Variants in LAMA2 observed in about 807,000 individuals in gnomAD.
LAMA2 encodes the protein laminin subunit alpha 2.
A neutral mutation model predicts 364.8 loss-of-function variants in LAMA2; 269 were observed. The observed-to-expected ratio is 0.74, with a 90% CI of 0.67 to 0.82. The LOEUF is 0.82. Ranked by LOEUF, LAMA2 falls within the 40% of genes least tolerant of loss-of-function variation. The probability of loss-of-function intolerance (pLI) is 0.00; values close to 1 mark genes in which losing one functional copy is unlikely to be tolerated. For missense variants in LAMA2, 3,807 were observed against 3,873.2 expected (o/e 0.98, Z 0.45); for synonymous variants, 1,379 against 1,370.6 (o/e 1.01, Z -0.14).
At chr6:129,204,068 TA>T (rs1196416105) in intron 12 of LAMA2, among the ~76,000 whole-genome samples, 1 of 152,210 alleles carries the variant, frequency 6.6e-6, no homozygotes, top group Non-Finnish European at 1.5e-5. Context: ...CTGGTGGTAG[TA>T]AGGATAAGAC....
intron 1 of LAMA2, among the ~76,000 whole-genome samples, chr6:129,036,212 T>C (rs1786631147): frequency 6.6e-6 from 1 of 152,190 alleles, no homozygotes; most frequent in Admixed American, 6.5e-5. Flanking sequence ...ATCTTTTACC[T>C]CCTTGGTTAA....
intron 40 of LAMA2, among the ~76,000 whole-genome samples, chr6:129,425,567 G>T (rs1445369026): frequency 6.6e-5 from 10 of 151,734 alleles, no homozygotes; most frequent in Non-Finnish European, 1.5e-4. Flanking sequence ...ATTTTTCTCT[G>T]TTTCTCTCCC....
intron 4 of LAMA2, among the ~76,000 whole-genome samples, chr6:129,122,711 C>T (rs1343648537): frequency 6.6e-6 from 1 of 152,012 alleles, no homozygotes; most frequent in Non-Finnish European, 1.5e-5. Flanking sequence ...TACTCCGGTT[C>T]CCCCACATAG....
At chr6:129,250,844 A>G (rs1786130643) in intron 13 of LAMA2, among the ~76,000 whole-genome samples, 1 of 152,026 alleles carries the variant, frequency 6.6e-6, no homozygotes, top group African/African-American at 2.4e-5. Flanking sequence ...ACATACATGC[A>G]TGTTCATTAT....
chr6:128,883,379 G>A, intron 1 of LAMA2, 22 bp downstream of exon 1: 1 of 1,571,720 alleles, frequency 6.4e-7, no homozygotes, highest in Non-Finnish European at 8.6e-7. Flanking sequence ...GCATGGGCTT[G>A]GGTTGCATCC....
At chr6:129,109,779 TTTTTC>T (rs1562246637) in intron 4 of LAMA2, among the ~76,000 whole-genome samples, 1 of 152,096 alleles carries the variant, frequency 6.6e-6, no homozygotes, top group African/African-American at 2.4e-5. Flanking sequence ...AAAAATTATG[TTTTTC>T]TTTTATTTGG....
chr6:129,508,503 C>T (rs1415300252), intron 62 of LAMA2, among the ~76,000 whole-genome samples: 3 of 151,914 alleles, frequency 2.0e-5, no homozygotes, highest in Non-Finnish European at 4.4e-5. Context: ...ACCATCCCTA[C>T]TCCTCCCTGC....
intron 4 of LAMA2, among the ~76,000 whole-genome samples, chr6:129,107,893 C>G (rs138027756): frequency 4.9e-4 from 75 of 152,274 alleles, no homozygotes; most frequent in African/African-American, 1.7e-3. Context: ...AAAATCTGCT[C>G]TGCCCTATAA....
intron 1 of LAMA2, among the ~76,000 whole-genome samples, chr6:128,963,710 T>C (rs1781676166): frequency 6.6e-6 from 1 of 152,124 alleles, no homozygotes; most frequent in Admixed American, 6.6e-5. Context: ...GCCTTTCATG[T>C]ATGCTTTTCC....
chr6:129,479,664 T>A (rs1784256126), intron 54 of LAMA2: 1 of 152,248 alleles, frequency 6.6e-6, no homozygotes, highest in Non-Finnish European at 1.5e-5. Context: ...TTATTCATTT[T>A]GTCTGCTGCT....
chr6:129,126,361 C>T (rs1241965476), intron 4 of LAMA2, among the ~76,000 whole-genome samples: 5 of 152,186 alleles, frequency 3.3e-5, no homozygotes, highest in Admixed American at 6.5e-5. Context: ...TAGTAATAAA[C>T]GTTGATGACT....
At chr6:129,398,532 A>G (rs1779789893) in intron 37 of LAMA2, among the ~76,000 whole-genome samples, 1 of 144,386 alleles carries the variant, frequency 6.9e-6, no homozygotes, top group Admixed American at 7.1e-5. Flanking sequence ...CTGGATTGCA[A>G]TGGTGCAATC....
chr6:129,444,474 A>G (rs1384281236), intron 44 of LAMA2, among the ~76,000 whole-genome samples: 1 of 152,198 alleles, frequency 6.6e-6, no homozygotes, highest in Non-Finnish European at 1.5e-5. Flanking sequence ...ATGATGATAT[A>G]ACAAACATTT....
chr6:129,004,146 C>T (rs1784275005), intron 1 of LAMA2, among the ~76,000 whole-genome samples: 1 of 19,928 alleles, frequency 5.0e-5, no homozygotes, highest in Admixed American at 4.7e-4. Context: ...AGTAAACTAT[C>T]GCAAGAACAA....
chr6:128,909,892 A>T (rs1428564347), intron 1 of LAMA2, among the ~76,000 whole-genome samples: 3 of 151,472 alleles, frequency 2.0e-5, no homozygotes, highest in Non-Finnish European at 4.4e-5. Flanking sequence ...TCCTTCGCTT[A>T]TGAAGCTTAG....
At position 129,480,947 on chromosome 6, in the gene LAMA2, C is replaced by G. The variant is rs78613243; in HGVS notation, c.7573-316C>G. Among the ~76,000 whole-genome samples the G allele has an allele frequency of 9.1e-3, 1,315 of 143,882 alleles. 13 individuals carry two copies. The highest frequency in any genetic ancestry group is 0.034 in the African/African-American group (1,246 of 36,688). 94.4% of individuals were successfully genotyped at this position (143,882 alleles called of 152,430 possible). A position where few individuals can be genotyped will look rare whatever the true frequency, so the allele number is the denominator to read the frequency against. ...GCTTGTGTGTCAGTTTGACTTAAAT[C>G]TTTGGTTTAAACAACAACAACAAAA... On this transcript the variant is annotated intron_variant, in intron 54 of 64. Transcript: ENST00000421865.
intron 17 of LAMA2, among the ~76,000 whole-genome samples, chr6:129,277,438 G>A (rs893313459): frequency 6.6e-6 from 1 of 152,130 alleles, no homozygotes; most frequent in African/African-American, 2.4e-5. Context: ...ATAAGAGAGT[G>A]AATCTTCAGT....
chr6:129,228,950 T>A (rs1238535177), intron 12 of LAMA2, among the ~76,000 whole-genome samples: 2 of 152,236 alleles, frequency 1.3e-5, no homozygotes, highest in African/African-American at 2.4e-5. Flanking sequence ...CTCTTATGTA[T>A]TCATTGTGTG....
Position 128,883,296 on chromosome 6 carries a change from CG to C in LAMA2, c.56del (p.Gly19AlafsTer26). ...LLLLLLSGGLGGVQAQRPQQQ... is the reference protein window; with the variant it reads ...LLLLLLSGGLXGVQAQRPQQQ... The stretch of plus-strand genomic sequence containing the variant: ...TCCTTCTGCTGCTCTCCGGAGGCCT[CG>C]GGGGCGTACAGGCGCAGCGGCCGCA... On this transcript the variant is annotated frameshift_variant, in exon 1 of 65. Coordinates refer to ENST00000421865, the MANE Select transcript of LAMA2 (RefSeq NM_000426.4). LOFTEE classifies it high-confidence loss of function. 1 of 1,588,058 alleles carries C rather than the reference CG, an allele frequency of 6.3e-7. No individual in the cohort carries two copies. The highest frequency in any genetic ancestry group is 1.8e-5 in the Admixed American group (1 of 56,586).
Sources: gnomAD v4.1 joint callset for allele counts (sites outside exome capture counted in the v4.1 genomes callset) on GRCh38, gnomAD v4.1.1 for gene constraint, MANE v1.5 for transcripts, NCBI Gene and HGNC (gene_info 2026-07-23, HGNC 2026-07-21) for gene names.